The following RARB variants were observed in gnomAD, a reference collection of about 807,000 sequenced individuals.
RARB encodes HBV-activated protein.
Under a neutral mutation model 51.9 loss-of-function variants are expected in RARB, and 17 were observed. The observed-to-expected ratio is 0.33, with a 90% confidence interval of 0.22 to 0.49. RARB has a LOEUF of 0.49. RARB is among the 20% of genes least tolerant of loss of function. RARB has a pLI of 0.99. For missense variants in RARB, 369 were observed against 550.8 expected (o/e 0.67, Z 3.30); for synonymous variants, 215 against 195.4 (o/e 1.10, Z -0.84).
chr3:24,958,272 T>TTTTTTTTG (rs1696065496), intron 2 of RARB, among the ~76,000 whole-genome samples: 2 of 140,316 alleles, frequency 1.4e-5, no homozygotes, highest in Non-Finnish European at 3.1e-5. Context: ...TTTTTTTTTT[T>TTTTTTTTG]TTTTTTTTTT....
chr3:25,469,817 T>C (rs1022952660), intron 2 of RARB, among the ~76,000 whole-genome samples: 6 of 152,250 alleles, frequency 3.9e-5, no homozygotes, highest in Non-Finnish European at 5.9e-5. Flanking sequence ...AGCTGCTGGC[T>C]GCTTGGAGGC....
intron 3 of RARB, among the ~76,000 whole-genome samples, chr3:25,512,827 G>C (rs1394231173): frequency 6.6e-6 from 1 of 152,094 alleles, no homozygotes; most frequent in Non-Finnish European, 1.5e-5. Context: ...AGGAGCTTTT[G>C]GTGTCTGTGT....
intron 3 of RARB, among the ~76,000 whole-genome samples, chr3:25,558,657 A>C (rs973753437): frequency 3.3e-5 from 5 of 151,900 alleles, no homozygotes; most frequent in African/African-American, 1.2e-4. Context: ...TCTCTTGCCA[A>C]ATCCACAATG....
chr3:25,123,787 C>T (rs1240337107), intron 3 of RARB, among the ~76,000 whole-genome samples: 3 of 152,154 alleles, frequency 2.0e-5, no homozygotes, highest in Non-Finnish European at 4.4e-5. Context: ...TTTTCAACCA[C>T]GTTATCTAGA....
At chr3:24,961,734 C>T (rs368513780) in intron 2 of RARB, among the ~76,000 whole-genome samples, 2 of 152,120 alleles carry the variant, frequency 1.3e-5, no homozygotes, top group East Asian at 1.9e-4. Flanking sequence ...CTCCAAAACA[C>T]CATTGGACAA....
intron 3 of RARB, among the ~76,000 whole-genome samples, chr3:25,132,009 A>G (rs1056708852): frequency 3.9e-5 from 6 of 151,926 alleles, no homozygotes; most frequent in African/African-American, 1.4e-4. Flanking sequence ...AGGAGTCTAA[A>G]GAGTGTGGCT....
At chr3:25,328,294 C>T (rs1005912694) in intron 5 of RARB, among the ~76,000 whole-genome samples, 4 of 152,198 alleles carry the variant, frequency 2.6e-5, no homozygotes, top group Non-Finnish European at 5.9e-5. Context: ...CTGAGACGGG[C>T]GGATCACCTC....
At chr3:25,208,239 A>G (rs1439493038) in intron 5 of RARB, among the ~76,000 whole-genome samples, 1 of 152,176 alleles carries the variant, frequency 6.6e-6, no homozygotes, top group Non-Finnish European at 1.5e-5. Flanking sequence ...CTATATTAGC[A>G]TATTTTATTG....
At chr3:25,054,390 A>C (rs899997511) in intron 2 of RARB, among the ~76,000 whole-genome samples, 1 of 152,136 alleles carries the variant, frequency 6.6e-6, no homozygotes, top group Non-Finnish European at 1.5e-5. Flanking sequence ...ATGAAGAAGC[A>C]TAGGAGAGAT....
At chr3:25,504,770 C>CTTTTTTTTTTT (rs61498243) in intron 3 of RARB, among the ~76,000 whole-genome samples, 1 of 126,052 alleles carries the variant, frequency 7.9e-6, no homozygotes, top group Non-Finnish European at 1.6e-5. Flanking sequence ...ACATTAACCA[C>CTTTTTTTTTTT]TTTTTTTTTT....
intron 3 of RARB, among the ~76,000 whole-genome samples, chr3:25,131,771 G>A (rs1699957542): frequency 2.0e-5 from 3 of 151,948 alleles, no homozygotes; most frequent in South Asian, 2.1e-4. Flanking sequence ...TTGAGAATTT[G>A]TGCCAAGATT....
intron 5 of RARB, among the ~76,000 whole-genome samples, chr3:25,299,456 T>A (rs2125426633): frequency 6.6e-6 from 1 of 152,192 alleles, no homozygotes; most frequent in East Asian, 1.9e-4. Flanking sequence ...CACCTTGGCC[T>A]CCCAAATTGC....
At chr3:25,299,149 G>T (rs1004748908) in intron 5 of RARB, among the ~76,000 whole-genome samples, 3 of 152,084 alleles carry the variant, frequency 2.0e-5, no homozygotes, top group African/African-American at 2.4e-5. Flanking sequence ...AATAAGTAAC[G>T]TTTAGTGAGT....
At chr3:25,291,630 C>A (rs1005306558) in intron 5 of RARB, among the ~76,000 whole-genome samples, 34 of 152,096 alleles carry the variant, frequency 2.2e-4, no homozygotes, top group African/African-American at 8.2e-4. Context: ...AGCAACCAAA[C>A]ATAAATCAAG....
chr3:25,470,388 T>A (rs1385365694), intron 2 of RARB, among the ~76,000 whole-genome samples: 4 of 152,230 alleles, frequency 2.6e-5, no homozygotes, highest in African/African-American at 7.2e-5. Context: ...TGGCATGTGC[T>A]GTGACAATTG....
intron 5 of RARB, among the ~76,000 whole-genome samples, chr3:25,299,649 G>C (rs1017441136): frequency 6.6e-6 from 1 of 152,072 alleles, no homozygotes; most frequent in Non-Finnish European, 1.5e-5. Context: ...GTTTTTAAAA[G>C]ACCATACAAT....
intron 2 of RARB, among the ~76,000 whole-genome samples, chr3:24,866,285 G>GT (rs1255669099): frequency 6.6e-6 from 1 of 151,988 alleles, no homozygotes; most frequent in African/African-American, 2.4e-5. Flanking sequence ...ATTTCTCTGA[G>GT]TGACTACCTT....
chr3:25,292,285 G>T (rs929761421), intron 5 of RARB, among the ~76,000 whole-genome samples: 10 of 152,280 alleles, frequency 6.6e-5, no homozygotes, highest in South Asian at 4.1e-4. Context: ...CCACCAAAAT[G>T]TAATTTGGAA....
intron 2 of RARB, among the ~76,000 whole-genome samples, chr3:24,998,585 C>T (rs1255290787): frequency 6.6e-6 from 1 of 152,076 alleles, no homozygotes; most frequent in African/African-American, 2.4e-5. Flanking sequence ...GCCACATGTT[C>T]TGTTCTGTTT....
Sources: allele counts gnomAD v4.1 joint callset (sites outside exome capture counted in the v4.1 genomes callset), GRCh38; gene constraint gnomAD v4.1.1; transcripts MANE v1.5; gene names NCBI Gene and HGNC (gene_info 2026-07-23, HGNC 2026-07-21).